Variants in LRFN2 observed in about 807,000 individuals in gnomAD.
LRFN2 encodes the protein leucine-rich repeat and fibronectin type-III domain-containing protein 2.
In LRFN2, 18 loss-of-function variants were observed where a neutral mutation model predicts 37.3. That is an observed-to-expected ratio of 0.48 (90% CI 0.33 to 0.72). The LOEUF (loss-of-function observed/expected upper bound fraction) is 0.72. LRFN2 is among the 30% of genes least tolerant of loss of function. The pLI, the probability that LRFN2 is intolerant of heterozygous loss-of-function variation, is 0.02. For missense variants in LRFN2, 1,006 were observed against 1,060.7 expected, an observed-to-expected ratio of 0.95 and a Z score of 0.72; for synonymous variants, 556 against 466.6, an observed-to-expected ratio of 1.19 and a Z score of -2.47.
At chr6:40,560,447 G>A (rs147110666) in intron 1 of LRFN2, among the ~76,000 whole-genome samples, 1 of 152,336 alleles carries the variant, frequency 6.6e-6, no homozygotes, top group African/African-American at 2.4e-5. Flanking sequence ...ATGGGGCAGA[G>A]GTGGCAGGCA....
Position 40,402,514 on chromosome 6 carries a change from A to C in LRFN2, c.1401-9602T>G, listed in dbSNP as rs72861094. Among the ~76,000 whole-genome samples the C allele has an allele frequency of 4.7e-3, 715 of 152,356 alleles. 4 individuals are homozygous for C. The highest frequency in any genetic ancestry group is 8.5e-3 in the Non-Finnish European group (576 of 68,030). On this transcript the variant is annotated intron_variant, in intron 2 of 2. Coordinates refer to ENST00000338305, the MANE Select transcript of LRFN2 (RefSeq NM_020737.3). ...AGCTAACATTTATTGAGCACTTACT[A>C]TGTGTCAAACACTGTTCTGAATATT...
At chr6:40,573,203 A>G (rs1767217201) in intron 1 of LRFN2, among the ~76,000 whole-genome samples, 1 of 152,202 alleles carries the variant, frequency 6.6e-6, no homozygotes, top group East Asian at 1.9e-4. Context: ...TGTCCTATAG[A>G]ACAGGTTTAA....
At chr6:40,456,599 A>G (rs1450529816) in intron 1 of LRFN2, among the ~76,000 whole-genome samples, 2 of 152,204 alleles carry the variant, frequency 1.3e-5, no homozygotes, top group African/African-American at 4.8e-5. Context: ...CTTTAAAGTT[A>G]ACAAAGCTGG....
chr6:40,512,581 C>T lies in LRFN2; in HGVS notation c.-19+74360G>A, dbSNP rs904809146. Among the ~76,000 whole-genome samples, 4 of 152,202 alleles carry T rather than the reference C, an allele frequency of 2.6e-5. No homozygotes were observed. In the South Asian group the frequency reaches 8.3e-4, roughly 32 times the overall value. On this transcript the variant is annotated intron_variant, in intron 1 of 2. Coordinates refer to ENST00000338305, the MANE Select transcript of LRFN2 (RefSeq NM_020737.3). ...TTTTGCAGACACCTGGCAGGAGCCA[C>T]ATTTTGGGCCTGGTTTAGCCTAATG...
At chr6:40,464,854 C>G (rs1053734206) in intron 1 of LRFN2, among the ~76,000 whole-genome samples, 6 of 151,912 alleles carry the variant, frequency 3.9e-5, no homozygotes, top group Non-Finnish European at 8.8e-5. Context: ...TAGGATGACT[C>G]TCAGGTGTAA....
At chr6:40,556,126 C>G (rs907693776) in intron 1 of LRFN2, among the ~76,000 whole-genome samples, 2 of 152,202 alleles carry the variant, frequency 1.3e-5, no homozygotes, top group Admixed American at 6.5e-5. Flanking sequence ...CCGCACCATG[C>G]TGCAGTCTGG....
At chr6:40,552,992 C>T (rs536212136) in intron 1 of LRFN2, among the ~76,000 whole-genome samples, 1 of 152,308 alleles carries the variant, frequency 6.6e-6, no homozygotes, top group Middle Eastern at 3.4e-3. Context: ...GTAAGAGCTA[C>T]ACTTTCTGAA....
At chr6:40,485,562 C>T (rs977801445) in intron 1 of LRFN2, among the ~76,000 whole-genome samples, 1 of 152,216 alleles carries the variant, frequency 6.6e-6, no homozygotes, top group Admixed American at 6.5e-5. Flanking sequence ...ACAAGATAAA[C>T]TCCTCCAACA....
At chr6:40,510,400 T>A (rs1765672668) in intron 1 of LRFN2, among the ~76,000 whole-genome samples, 1 of 152,218 alleles carries the variant, frequency 6.6e-6, no homozygotes, top group African/African-American at 2.4e-5. Flanking sequence ...CCTGGTCATC[T>A]GAAGTCCCCC....
chr6:40,577,110 T>TC (rs1554145948), intron 1 of LRFN2, among the ~76,000 whole-genome samples: 10 of 46,718 alleles, frequency 2.1e-4, no homozygotes, highest in African/African-American at 4.8e-4. Context: ...TTTCCTTTCT[T>TC]TTCTTTTTAG....
intron 1 of LRFN2, among the ~76,000 whole-genome samples, chr6:40,475,996 A>G (rs1410021160): frequency 6.6e-6 from 1 of 152,172 alleles, no homozygotes. Flanking sequence ...ATATATTAAA[A>G]GCTATATGTT....
intron 1 of LRFN2, among the ~76,000 whole-genome samples, chr6:40,490,147 G>A (rs138268645): frequency 2.4e-4 from 36 of 152,276 alleles, no homozygotes; most frequent in African/African-American, 7.5e-4. Context: ...AGCACATCTC[G>A]TCAGGGTTCT....
At chr6:40,487,047 T>C (rs925048205) in intron 1 of LRFN2, among the ~76,000 whole-genome samples, 2 of 152,096 alleles carry the variant, frequency 1.3e-5, no homozygotes, top group Admixed American at 6.5e-5. Context: ...GGGGATGGCG[T>C]TGGGATCCTG....
chr6:40,434,647 T>A (rs1429078675), intron 1 of LRFN2, among the ~76,000 whole-genome samples: 1 of 151,928 alleles, frequency 6.6e-6, no homozygotes, highest in Non-Finnish European at 1.5e-5. Context: ...CAGCTAACTT[T>A]TTGTATTTTT....
At chr6:40,506,519 G>C (rs556089821) in intron 1 of LRFN2, among the ~76,000 whole-genome samples, 2 of 152,296 alleles carry the variant, frequency 1.3e-5, no homozygotes, top group Non-Finnish European at 2.9e-5. Context: ...CTAGTCTCCA[G>C]TCTTAACTGC....
chr6:40,582,722 A>AAG (rs888719215), intron 1 of LRFN2, among the ~76,000 whole-genome samples: 4 of 151,134 alleles, frequency 2.6e-5, no homozygotes, highest in South Asian at 2.1e-4. Context: ...CAGAAAAAAA[A>AAG]AAAAAAGACT....
chr6:40,483,543 C>A (rs1033190584), intron 1 of LRFN2, among the ~76,000 whole-genome samples: 1 of 152,228 alleles, frequency 6.6e-6, no homozygotes, highest in East Asian at 1.9e-4. Flanking sequence ...ATTTATTGAG[C>A]ACTTATTGTG....
At chr6:40,574,229 G>T (rs1326915312) in intron 1 of LRFN2, among the ~76,000 whole-genome samples, 1 of 152,168 alleles carries the variant, frequency 6.6e-6, no homozygotes, top group Non-Finnish European at 1.5e-5. Context: ...GCATTTTGTA[G>T]CTATTTACCA....
intron 1 of LRFN2, among the ~76,000 whole-genome samples, chr6:40,518,994 G>A (rs1028009470): frequency 2.6e-5 from 4 of 152,112 alleles, no homozygotes; most frequent in African/African-American, 9.7e-5. Context: ...TGAGCAGTGG[G>A]GAGAGAGAGG....
Sources: allele counts gnomAD v4.1 joint callset (sites outside exome capture counted in the v4.1 genomes callset), GRCh38; gene constraint gnomAD v4.1.1; transcripts MANE v1.5; gene names NCBI Gene and HGNC (gene_info 2026-07-23, HGNC 2026-07-21).